EPHA6: variants seen among roughly 807,000 people sequenced by gnomAD.
EPHA6 encodes EPH receptor A6.
Under a neutral mutation model 112.0 loss-of-function variants are expected in EPHA6, and 50 were observed. That is an observed-to-expected ratio of 0.45 (90% CI 0.36 to 0.56). The LOEUF is 0.56. EPHA6 is among the 20% of genes least tolerant of loss of function. EPHA6 has a pLI of 0.00. For synonymous variants in EPHA6, 529 were observed against 490.7 expected (o/e 1.08, Z -1.03); for missense variants, 1,280 against 1,417.4 (o/e 0.90, Z 1.56).
At chr3:96,824,055 T>C (rs2033478148) in intron 1 of EPHA6, among the ~76,000 whole-genome samples, 1 of 151,792 alleles carries the variant, frequency 6.6e-6, no homozygotes, top group African/African-American at 2.4e-5. Flanking sequence ...ATTTTATAGG[T>C]TAGAAAAAAT....
intron 3 of EPHA6, among the ~76,000 whole-genome samples, chr3:96,996,608 A>T (rs1014944456): frequency 6.6e-6 from 1 of 152,146 alleles, no homozygotes; most frequent in Non-Finnish European, 1.5e-5. Flanking sequence ...GACCAGGTGC[A>T]TCATCAGTGA....
chr3:97,700,346 C>T (rs1027266121), intron 14 of EPHA6, among the ~76,000 whole-genome samples: 2 of 152,164 alleles, frequency 1.3e-5, no homozygotes, highest in African/African-American at 2.4e-5. Context: ...GTGTCTCCTT[C>T]GATGACCATG....
At chr3:97,615,167 C>G (rs1345044114) in intron 13 of EPHA6, among the ~76,000 whole-genome samples, 1 of 152,128 alleles carries the variant, frequency 6.6e-6, no homozygotes, top group African/African-American at 2.4e-5. Context: ...GGGAACCTCC[C>G]CTACCCTGGG....
chr3:97,058,866 G>T (rs1166750965), intron 3 of EPHA6, among the ~76,000 whole-genome samples: 1 of 152,118 alleles, frequency 6.6e-6, no homozygotes, highest in African/African-American at 2.4e-5. Flanking sequence ...TATTTTATAT[G>T]CAAAGTGATT....
chr3:97,131,560 A>T (rs1409062135), intron 3 of EPHA6, among the ~76,000 whole-genome samples: 4 of 152,126 alleles, frequency 2.6e-5, no homozygotes, highest in Non-Finnish European at 4.4e-5. Flanking sequence ...TTCTTGCATA[A>T]TATTTATCAC....
chr3:97,486,590 G>A (rs2091704938), intron 10 of EPHA6, among the ~76,000 whole-genome samples: 1 of 152,150 alleles, frequency 6.6e-6, no homozygotes, highest in Non-Finnish European at 1.5e-5. Context: ...GAGAGAAAAA[G>A]GGGGCTGACC....
intron 3 of EPHA6, among the ~76,000 whole-genome samples, chr3:97,155,821 T>C (rs887060859): frequency 6.6e-6 from 1 of 152,080 alleles, no homozygotes; most frequent in African/African-American, 2.4e-5. Flanking sequence ...ACACCACACA[T>C]ATCCTTTTCA....
intron 5 of EPHA6, among the ~76,000 whole-genome samples, chr3:97,368,800 C>G (rs1299803060): frequency 6.6e-6 from 1 of 152,138 alleles, no homozygotes; most frequent in Non-Finnish European, 1.5e-5. Context: ...ATGCCACGCA[C>G]AGTCCCAGGT....
intron 3 of EPHA6, among the ~76,000 whole-genome samples, chr3:97,071,597 T>C (rs1302609496): frequency 6.6e-6 from 1 of 152,002 alleles, no homozygotes; most frequent in Non-Finnish European, 1.5e-5. Flanking sequence ...ATCAGGAGAA[T>C]AGCATGAGAA....
rs572298090 is a variant in EPHA6 at position 96,841,278 on chromosome 3, A to C, written c.386-25547A>C. On this transcript the variant is annotated intron_variant, in intron 1 of 17. Coordinates refer to ENST00000389672, the MANE Select transcript of EPHA6 (RefSeq NM_001080448.3). ...TTCCAAATGAGGCAATCAGATATGCATTTATCTCAGTGCATTAGAGGGGTG... is the reference window on the plus strand; with the variant it reads ...TTCCAAATGAGGCAATCAGATATGCCTTTATCTCAGTGCATTAGAGGGGTG... Among the ~76,000 whole-genome samples, 4 of 152,210 alleles carry C rather than the reference A, an allele frequency of 2.6e-5. No homozygotes were observed. The East Asian group carries it at 7.7e-4, about 29-fold the overall frequency.
chr3:97,327,611 C>T (rs920966963), intron 5 of EPHA6, among the ~76,000 whole-genome samples: 6 of 151,818 alleles, frequency 4.0e-5, no homozygotes, highest in African/African-American at 1.5e-4. Context: ...TTTTAATAAT[C>T]ACACCTCTCT....
At position 97,527,311 on chromosome 3, in the gene EPHA6, C is replaced by T. The variant is rs116753836; in HGVS notation, c.2201-5047C>T. Among the ~76,000 whole-genome samples, 602 of 152,214 alleles carry T rather than the reference C, an allele frequency of 4.0e-3. 6 individuals carry two copies. The highest frequency in any genetic ancestry group is 5.9e-3 in the Non-Finnish European group (403 of 68,008). The stretch of plus-strand genomic sequence containing the variant: ...CCACCTAGGTGCAGGTCTGTACTCT[C>T]AAAACAATAATCCTAGATCTTGGGC... On this transcript the variant is annotated intron_variant, in intron 10 of 17. Transcript: ENST00000389672.
At chr3:96,993,547 T>A (rs2043294682) in intron 3 of EPHA6, among the ~76,000 whole-genome samples, 5 of 152,072 alleles carry the variant, frequency 3.3e-5, no homozygotes. Flanking sequence ...CTATTCTTTC[T>A]CACTCTTTCA....
intron 3 of EPHA6, among the ~76,000 whole-genome samples, chr3:97,174,584 G>A (rs2076784602): frequency 6.6e-6 from 1 of 151,756 alleles, no homozygotes; most frequent in South Asian, 2.1e-4. Flanking sequence ...TTAGATATAA[G>A]CCATTTTAAC....
intron 2 of EPHA6, among the ~76,000 whole-genome samples, chr3:96,963,190 AAG>A (rs2042007868): frequency 6.6e-6 from 1 of 151,912 alleles, no homozygotes; most frequent in East Asian, 1.9e-4. Context: ...AGGGGCACTA[AAG>A]AGAGCACTTT....
chr3:96,827,694 AT>A (rs2033755800), intron 1 of EPHA6, among the ~76,000 whole-genome samples: 1 of 152,148 alleles, frequency 6.6e-6, no homozygotes, highest in African/African-American at 2.4e-5. Flanking sequence ...TCTCAGCCTT[AT>A]TTATAAAATG....
At chr3:97,269,033 G>A (rs568760829) in intron 5 of EPHA6, among the ~76,000 whole-genome samples, 2 of 152,086 alleles carry the variant, frequency 1.3e-5, no homozygotes, top group South Asian at 2.1e-4. Flanking sequence ...TGGCTAGTTC[G>A]CTTTAAATAA....
chr3:96,929,357 A>G (rs2040199481), intron 2 of EPHA6, among the ~76,000 whole-genome samples: 1 of 152,130 alleles, frequency 6.6e-6, no homozygotes, highest in African/African-American at 2.4e-5. Flanking sequence ...GTGTGTTTTA[A>G]TATTGGCTGC....
At chr3:96,940,990 C>T (rs1284334568) in intron 2 of EPHA6, among the ~76,000 whole-genome samples, 1 of 152,146 alleles carries the variant, frequency 6.6e-6, no homozygotes, top group African/African-American at 2.4e-5. Context: ...ATGGGCTTCC[C>T]TTTGTGGGTA....
Sources: gnomAD v4.1 joint callset for allele counts (sites outside exome capture counted in the v4.1 genomes callset) on GRCh38, gnomAD v4.1.1 for gene constraint, MANE v1.5 for transcripts, NCBI Gene and HGNC (gene_info 2026-07-23, HGNC 2026-07-21) for gene names.